Variants in RUNX1 observed in about 807,000 individuals in gnomAD.
The protein encoded by RUNX1 is RUNX family transcription factor 1.
Under a neutral mutation model 42.8 loss-of-function variants are expected in RUNX1, and 19 were observed. The ratio of observed to expected loss-of-function variants is 0.44; its 90% CI spans 0.31 to 0.65. RUNX1 has a LOEUF of 0.65. Among genes scored for constraint, RUNX1 ranks in the 30% least tolerant of loss-of-function variants. The probability of loss-of-function intolerance (pLI) is 0.07; values close to 1 mark genes in which losing one functional copy is unlikely to be tolerated. For synonymous variants in RUNX1, 271 were observed against 289.4 expected, an observed-to-expected ratio of 0.94 and a Z score of 0.64; for missense variants, 528 against 672.0, an observed-to-expected ratio of 0.79 and a Z score of 2.37.
chr21:34,924,575 G>C (rs564202777), intron 2 of RUNX1, among the ~76,000 whole-genome samples: 1 of 152,294 alleles, frequency 6.6e-6, no homozygotes, highest in African/African-American at 2.4e-5. Flanking sequence ...AAGGTGTTTG[G>C]GAGACTCCTA....
intron 2 of RUNX1, among the ~76,000 whole-genome samples, chr21:35,033,339 CAAG>C (rs1245879049): frequency 6.6e-6 from 1 of 152,186 alleles, no homozygotes; most frequent in African/African-American, 2.4e-5. Context: ...TAAACCAGAG[CAAG>C]AAGAAGAATG....
chr21:34,874,172 GCA>G (rs1359590632), intron 5 of RUNX1, among the ~76,000 whole-genome samples: 2 of 148,480 alleles, frequency 1.3e-5, no homozygotes, highest in African/African-American at 5.0e-5. Context: ...ACACACACAC[GCA>G]CACACACTCC....
chr21:34,939,232 T>A (rs551153490), intron 2 of RUNX1, among the ~76,000 whole-genome samples: 1 of 152,364 alleles, frequency 6.6e-6, no homozygotes, highest in East Asian at 1.9e-4. Flanking sequence ...TAGAATGTGA[T>A]ACTTTGCTAG....
intron 3 of RUNX1, among the ~76,000 whole-genome samples, chr21:34,892,307 A>G (rs1288460097): frequency 6.6e-6 from 1 of 151,778 alleles, no homozygotes; most frequent in Non-Finnish European, 1.5e-5. Context: ...AATTTAATTA[A>G]ACATTTTTTT....
intron 2 of RUNX1, among the ~76,000 whole-genome samples, chr21:34,985,487 T>A (rs1195489109): frequency 6.6e-6 from 1 of 152,228 alleles, no homozygotes; most frequent in Non-Finnish European, 1.5e-5. Flanking sequence ...CATTCCAGAA[T>A]GTGAGATCTT....
intron 7 of RUNX1, among the ~76,000 whole-genome samples, chr21:34,805,100 T>G (rs2056661396): frequency 6.6e-6 from 1 of 151,932 alleles, no homozygotes; most frequent in Admixed American, 6.6e-5. Context: ...AAAAGCACCC[T>G]AACAGAAATG....
rs1037735823 is a variant in RUNX1 at position 34,804,373 on chromosome 21, A to C, written c.806-4911T>G. 3.3e-5 allele frequency among the ~76,000 whole-genome samples: 5 copies of C among 152,214 alleles called. 1 individual carries two copies. Among genetic ancestry groups the C allele is most frequent in the Non-Finnish European group, 7.3e-5 (5 of 68,034 alleles). The stretch of plus-strand genomic sequence containing the variant: ...ATACTGACTAAGGAGGAGTTCATAG[A>C]GAAGCTCACAGATGACATGGGAGAC... On this transcript the variant is annotated intron_variant, in intron 7 of 8. Transcript: ENST00000675419.
At chr21:35,049,085 G>T in intron 1 of RUNX1, 83 bp downstream of exon 1, 54 of 512,842 alleles carry the variant, frequency 1.1e-4, no homozygotes, top group East Asian at 2.0e-4. Flanking sequence ...ATGCACCTTT[G>T]TAAAAACAAA....
chr21:34,894,503 A>AG (rs1296182548), intron 2 of RUNX1, among the ~76,000 whole-genome samples: 2 of 152,080 alleles, frequency 1.3e-5, no homozygotes, highest in South Asian at 2.1e-4. Context: ...GGGAAGGGGT[A>AG]GGGGGTGAGC....
chr21:34,818,787 G>A (rs1242883001), intron 7 of RUNX1, among the ~76,000 whole-genome samples: 1 of 152,214 alleles, frequency 6.6e-6, no homozygotes, highest in Non-Finnish European at 1.5e-5. Flanking sequence ...TGCCTGTTTG[G>A]GTTATTTGAG....
rs547380026 is a variant in RUNX1 at position 35,037,165 on chromosome 21, C to T, written c.58+11677G>A. On this transcript the variant is annotated intron_variant, in intron 2 of 8. Transcript: ENST00000675419. ...ATTTATGTCACCCTGATATCACCTTCGATGGATTCTCAGATTGATAAATGA... is the reference window on the plus strand; with the variant it reads ...ATTTATGTCACCCTGATATCACCTTTGATGGATTCTCAGATTGATAAATGA... Among the ~76,000 whole-genome samples, 4 of 152,266 alleles carry T rather than the reference C, an allele frequency of 2.6e-5. No individual in the cohort carries two copies. In the East Asian group the frequency reaches 7.7e-4, roughly 29 times the overall value.
chr21:35,041,881 T>C (rs2059362332), intron 2 of RUNX1, among the ~76,000 whole-genome samples: 3 of 152,174 alleles, frequency 2.0e-5, no homozygotes, highest in African/African-American at 7.2e-5. Flanking sequence ...TAGGGAAATT[T>C]ATGAAGGGCC....
In RUNX1 at chr21:35,048,882, T is replaced by C. The variant is rs199929612; in HGVS notation, c.18A>G (p.Ile6Met). The C allele has an allele frequency of 6.4e-5, 103 of 1,613,832 alleles. 1 individual carries two copies. Among genetic ancestry groups the C allele is most frequent in the Non-Finnish European group, 8.5e-6 (10 of 1,179,918 alleles). The stretch of plus-strand genomic sequence containing the variant: ...GTGGGTACGAAGGAAATGACTCAAA[T>C]ATGCTGTCTGAAGCCATCGCTTCCT... MASDS[I>M]FESFPSYPQC... Residue 6 changes from isoleucine to methionine, a missense_variant, in exon 2 of 9, where the codon ATA becomes ATG. Ile to Met is a conservative substitution (Grantham distance 10). Coordinates refer to ENST00000675419, the MANE Select transcript of RUNX1 (RefSeq NM_001754.5).
At chr21:34,849,422 TA>T (rs1437947779) in intron 6 of RUNX1, among the ~76,000 whole-genome samples, 2 of 73,354 alleles carry the variant, frequency 2.7e-5, no homozygotes, top group African/African-American at 5.5e-5. Context: ...ATATATTATA[TA>T]GTATATATAT....
intron 2 of RUNX1, among the ~76,000 whole-genome samples, chr21:34,913,719 C>T (rs187769138): frequency 2.0e-5 from 3 of 152,258 alleles, no homozygotes; most frequent in African/African-American, 7.2e-5. Context: ...CTTTTAATTG[C>T]TTCTTAAAAG....
chr21:34,887,703 A>G lies in RUNX1; in HGVS notation c.98-607T>C, dbSNP rs2058019260. 2.8e-6 allele frequency: 3 copies of G among 1,057,776 alleles called. No homozygotes were observed. The African/African-American group carries it at 5.0e-5, about 17-fold the overall frequency. The allele number at this position is 1,057,776 out of a possible 1,614,324, so 65.5% of individuals were successfully genotyped here. A position where few individuals can be genotyped will look rare whatever the true frequency, so the allele number is the denominator to read the frequency against. ...ACTAATGTATGTGCACGTATATATA[A>G]ATATATACATATGCTCTACTTCATA... On this transcript the variant is annotated intron_variant, in intron 3 of 8. Transcript: ENST00000675419.
intron 2 of RUNX1, among the ~76,000 whole-genome samples, chr21:34,906,486 A>G (rs1278240212): frequency 6.6e-6 from 1 of 152,344 alleles, no homozygotes; most frequent in African/African-American, 2.4e-5. Context: ...CTTTCTGTGC[A>G]TTATGTCATT....
At chr21:35,048,795 G>C (rs747093420) in intron 2 of RUNX1, 47 bp downstream of exon 2, 1 of 1,526,526 alleles carries the variant, frequency 6.6e-7, no homozygotes, top group Non-Finnish European at 9.1e-7. Context: ...TTTCATTACA[G>C]GCAAAGCTGA....
chr21:34,850,518 T>A (rs957199145), intron 6 of RUNX1, among the ~76,000 whole-genome samples: 2 of 152,182 alleles, frequency 1.3e-5, no homozygotes, highest in Non-Finnish European at 2.9e-5. Context: ...TCTAGGACAG[T>A]GTGGAGACTT....
Sources: gnomAD v4.1 joint callset for allele counts (sites outside exome capture counted in the v4.1 genomes callset) on GRCh38, gnomAD v4.1.1 for gene constraint, MANE v1.5 for transcripts, NCBI Gene and HGNC (gene_info 2026-07-23, HGNC 2026-07-21) for gene names.